Variants in TUSC3 observed in about 807,000 individuals in gnomAD.
The protein encoded by TUSC3 is tumor suppressor candidate 3.
TUSC3 carries 45 observed loss-of-function variants against 44.8 expected under a neutral mutation model. That is an observed-to-expected ratio of 1.00 (90% CI 0.79 to 1.29). TUSC3 has a LOEUF of 1.29. Ranked by LOEUF, TUSC3 falls within the 50% of genes most tolerant of loss-of-function variation. The pLI is 0.00. For missense variants in TUSC3, 519 were observed against 437.9 expected (o/e 1.19, Z -1.65); for synonymous variants, 212 against 152.9 (o/e 1.39, Z -2.85).
intron 2 of TUSC3, among the ~76,000 whole-genome samples, chr8:15,507,815 A>T (rs908239474): frequency 1.3e-5 from 2 of 152,008 alleles, no homozygotes; most frequent in African/African-American, 4.8e-5. Flanking sequence ...ATAGTTAAAT[A>T]AAAAAAAGGC....
chr8:15,814,131 C>T, the TUSC3 span, among the ~76,000 whole-genome samples: 3 of 152,140 alleles, frequency 2.0e-5, no homozygotes, highest in Non-Finnish European at 1.5e-5. Flanking sequence ...GACATAGTCT[C>T]ACATAGCATC....
intron 2 of TUSC3, among the ~76,000 whole-genome samples, chr8:15,505,855 C>A (rs573047277): frequency 6.6e-6 from 1 of 152,204 alleles, no homozygotes; most frequent in Middle Eastern, 3.4e-3. Flanking sequence ...GAGAATATTT[C>A]TTTCCCTGTA....
chr8:15,774,489 T>C, the TUSC3 span, among the ~76,000 whole-genome samples: 1 of 152,116 alleles, frequency 6.6e-6, no homozygotes, highest in Non-Finnish European at 1.5e-5. Context: ...AGCAAACCAA[T>C]AGCTAGGAAG....
chr8:15,668,298 A>G (rs1465828083), intron 5 of TUSC3, among the ~76,000 whole-genome samples: 1 of 151,642 alleles, frequency 6.6e-6, no homozygotes, highest in Non-Finnish European at 1.5e-5. Flanking sequence ...TGGGACTAGT[A>G]CATTTTTTTT....
intron 1 of TUSC3, among the ~76,000 whole-genome samples, chr8:15,584,290 A>C (rs772309084): frequency 6.6e-6 from 1 of 152,150 alleles, no homozygotes; most frequent in African/African-American, 2.4e-5. Context: ...ATCCAGAAGG[A>C]TAGGGGTGTT....
Position 15,564,052 on chromosome 8 carries a change from C to T in TUSC3, c.138+23484C>T, listed in dbSNP as rs143973067. 2.7e-3 allele frequency among the ~76,000 whole-genome samples: 407 copies of T among 152,144 alleles called. 2 individuals are homozygous for T. The highest frequency in any genetic ancestry group is 9.4e-3 in the African/African-American group (391 of 41,538). On this transcript the variant is annotated intron_variant, in intron 1 of 10. Coordinates refer to ENST00000503731, the MANE Select transcript of TUSC3 (RefSeq NM_006765.4). ...TAAAGAAATGTTTCCCTCTTCCTCTCCATTATAGGAGAAACCATTATTATT... is the reference window on the plus strand; with the variant it reads ...TAAAGAAATGTTTCCCTCTTCCTCTTCATTATAGGAGAAACCATTATTATT...
chr8:15,743,724 T>G, intron 8 of TUSC3, 112 bp downstream of exon 8: 1 of 1,200,120 alleles, frequency 8.3e-7, no homozygotes, highest in Non-Finnish European at 1.2e-6. Context: ...AGAAATGTTC[T>G]GGTTTGAAGA....
downstream of TUSC3, among the ~76,000 whole-genome samples, chr8:15,767,902 G>C (rs554761400): frequency 6.6e-6 from 1 of 152,242 alleles, no homozygotes; most frequent in Non-Finnish European, 1.5e-5. Context: ...GAAATACTTT[G>C]GAGAATAAGG....
intron 7 of TUSC3, among the ~76,000 whole-genome samples, chr8:15,740,173 A>G (rs1198086267): frequency 6.6e-6 from 1 of 152,166 alleles, no homozygotes; most frequent in African/African-American, 2.4e-5. Context: ...GAAGTGAGGG[A>G]GTAAATTACA....
At chr8:15,423,198 T>C (rs1464848230) in intron 1 of TUSC3, among the ~76,000 whole-genome samples, 1 of 152,192 alleles carries the variant, frequency 6.6e-6, no homozygotes, top group Non-Finnish European at 1.5e-5. Context: ...ACAGGTTCAG[T>C]GCATACATGG....
chr8:15,738,387 A>G (rs1811026167), intron 7 of TUSC3, among the ~76,000 whole-genome samples: 1 of 152,186 alleles, frequency 6.6e-6, no homozygotes, highest in Non-Finnish European at 1.5e-5. Context: ...TCACCTTAAA[A>G]TCTTTACAGC....
chr8:15,733,487 C>A (rs762005942), intron 7 of TUSC3: 6 of 300,420 alleles, frequency 2.0e-5, no homozygotes, highest in Non-Finnish European at 3.3e-5. Context: ...TGAGATCATC[C>A]TTTTATTGTA....
chr8:15,433,798 A>G (rs1799909885), intron 1 of TUSC3, among the ~76,000 whole-genome samples: 1 of 152,174 alleles, frequency 6.6e-6, no homozygotes, highest in South Asian at 2.1e-4. Flanking sequence ...CTGAGTAGAA[A>G]TATACGTTAT....
At chr8:15,616,454 T>C (rs1183591518) in intron 1 of TUSC3, among the ~76,000 whole-genome samples, 1 of 152,128 alleles carries the variant, frequency 6.6e-6, no homozygotes, top group Admixed American at 6.5e-5. Flanking sequence ...GGCTCACGCC[T>C]GTAATCAGTC....
At chr8:15,696,568 C>A (rs1311267241) in intron 6 of TUSC3, among the ~76,000 whole-genome samples, 1 of 152,064 alleles carries the variant, frequency 6.6e-6, no homozygotes, top group African/African-American at 2.4e-5. Context: ...TCCTCCAGAC[C>A]CCAGAATGGT....
At chr8:15,742,624 A>G (rs1031081468) in intron 7 of TUSC3, among the ~76,000 whole-genome samples, 1 of 152,192 alleles carries the variant, frequency 6.6e-6, no homozygotes, top group Non-Finnish European at 1.5e-5. Flanking sequence ...AGATTCATTG[A>G]TGCTGTTTAT....
chr8:15,431,782 A>G (rs1394835382), intron 1 of TUSC3, among the ~76,000 whole-genome samples: 1 of 151,800 alleles, frequency 6.6e-6, no homozygotes, highest in Non-Finnish European at 1.5e-5. Context: ...ACCATTGACT[A>G]TTATGTTAGC....
chr8:15,637,768 G>T (rs534187548), intron 2 of TUSC3, among the ~76,000 whole-genome samples: 1 of 152,090 alleles, frequency 6.6e-6, no homozygotes, highest in Non-Finnish European at 1.5e-5. Flanking sequence ...TACCCTTTCT[G>T]CTCATAACGT....
At chr8:15,824,941 G>A in the TUSC3 span, among the ~76,000 whole-genome samples, 7 of 152,086 alleles carry the variant, frequency 4.6e-5, no homozygotes, top group Admixed American at 3.9e-4. Context: ...TCCCTTCATT[G>A]ACCATAAGAT....
Sources: gnomAD v4.1 joint callset for allele counts (sites outside exome capture counted in the v4.1 genomes callset) on GRCh38, gnomAD v4.1.1 for gene constraint, MANE v1.5 for transcripts, NCBI Gene and HGNC (gene_info 2026-07-23, HGNC 2026-07-21) for gene names.